Variants in CLPP observed in about 807,000 individuals in gnomAD.
CLPP encodes the protein ATP-dependent Clp protease proteolytic subunit, mitochondrial.
Under a neutral mutation model 27.4 loss-of-function variants are expected in CLPP, and 14 were observed. The observed-to-expected ratio is 0.51, with a 90% confidence interval of 0.34 to 0.80. CLPP has a LOEUF of 0.80. CLPP is among the 30% of genes least tolerant of loss of function. The pLI, the probability that CLPP is intolerant of heterozygous loss-of-function variation, is 0.02. For synonymous variants in CLPP, 193 were observed against 166.6 expected, an observed-to-expected ratio of 1.16 and a Z score of -1.22; for missense variants, 361 against 403.6, an observed-to-expected ratio of 0.89 and a Z score of 0.90.
Position 6,369,059 on chromosome 19 carries a change from T to C in CLPP, c.*349T>C, listed in dbSNP as rs2091875564. The C allele has an allele frequency of 4.5e-6, 1 of 221,618 alleles. No individual in the cohort carries two copies. Among genetic ancestry groups the C allele is most frequent in the Non-Finnish European group, 8.9e-6 (1 of 112,452 alleles). 13.7% of individuals were successfully genotyped at this position (221,618 alleles called of 1,614,324 possible). ...ATATCCTATATTCCAGGCAGTGTTCTTTTGTGAAGAAGACACAAGAAACCC... is the reference window on the plus strand; with the variant it reads ...ATATCCTATATTCCAGGCAGTGTTCCTTTGTGAAGAAGACACAAGAAACCC... On this transcript the variant is annotated 3_prime_UTR_variant, in exon 6 of 6. Coordinates refer to ENST00000245816, the MANE Select transcript of CLPP (RefSeq NM_006012.4).
chr19:6,370,065 G>A lies in CLPP; in HGVS notation c.*1355G>A, dbSNP rs1004949709. On this transcript the variant is annotated 3_prime_UTR_variant, in exon 6 of 6. Coordinates refer to ENST00000245816, the MANE Select transcript of CLPP (RefSeq NM_006012.4). ...ACAGAGAGCAGTTTCCAGAAACTCC[G>A]AGCTGATGGCCCAAAGCAGGAAGAT... Among the ~76,000 whole-genome samples, 3 of 152,140 alleles carry A rather than the reference G, an allele frequency of 2.0e-5. No homozygotes were observed. Among genetic ancestry groups the A allele is most frequent in the African/African-American group, 7.2e-5 (3 of 41,444 alleles).
chr19:6,364,562 G>T lies in CLPP; in HGVS notation c.478G>T (p.Ala160Ser). Residue 160 changes from alanine (A) to serine (S), a missense_variant, in exon 4 of 6, where the codon GCC becomes TCC. Ala to Ser is a moderately conservative substitution (Grantham distance 99, BLOSUM62 1). This residue lies in a region of CLPP where 213 missense variants were observed against 280.9 expected (regional missense o/e 0.76). Coordinates refer to ENST00000245816, the MANE Select transcript of CLPP (RefSeq NM_006012.4). ...QAASMGSLLLAAGTPGMRHSL... is the reference protein window; with the variant it reads ...QAASMGSLLLSAGTPGMRHSL... ...CGCCAGCATGGGCTCCCTGCTTCTCGCCGCCGGCACCCCAGGCATGCGCCA... is the reference window on the plus strand; with the variant it reads ...CGCCAGCATGGGCTCCCTGCTTCTCTCCGCCGGCACCCCAGGCATGCGCCA... 6.2e-7 allele frequency: 1 copy of T among 1,613,012 alleles called. No homozygotes were observed. The highest frequency in any genetic ancestry group is 8.5e-7 in the Non-Finnish European group (1 of 1,179,870).
At position 6,369,201 on chromosome 19, in the gene CLPP, T is replaced by C. The variant is rs183862721; in HGVS notation, c.*491T>C. ...ACTTTGGGAGCCCGAGGCAGGCGGA[T>C]CATGAGGTCAGGAGATCGAGAACAT... On this transcript the variant is annotated 3_prime_UTR_variant, in exon 6 of 6. Transcript: ENST00000245816. 3.5e-4 allele frequency among the ~76,000 whole-genome samples: 53 copies of C among 152,152 alleles called. No individual in the cohort carries two copies. In the East Asian group the frequency reaches 9.9e-3, roughly 28 times the overall value.
chr19:6,364,813 C>T (rs2091854288), intron 4 of CLPP, 174 bp downstream of exon 4: 1 of 615,024 alleles, frequency 1.6e-6, no homozygotes. Context: ...ACTGCAAGCT[C>T]CGCCTCCTGG....
In CLPP at chr19:6,366,355, A is replaced by G. The variant is rs1415438501; in HGVS notation, c.653A>G (p.Gln218Arg). ...IYAKHTKQSL[Q>R]VIESAMERDR... is the part of the protein sequence containing the mutation. The stretch of plus-strand genomic sequence containing the variant: ...GCCAAGCACACCAAACAGAGCCTGC[A>G]GGTGATCGGTAAGCACCCTCCTTTA... The change falls in exon 5 of 6, where the codon CAG becomes CGG. Residue 218 changes from glutamine (Q) to arginine (R), a missense_variant. Around this residue, in one of 2 missense-constraint regions of CLPP, gnomAD observed 213 missense variants for 280.9 expected, o/e 0.76. Transcript: ENST00000245816. The G allele has an allele frequency of 1.9e-6, 3 of 1,609,770 alleles. No homozygotes were observed. Among genetic ancestry groups the G allele is most frequent in the African/African-American group, 1.3e-5 (1 of 75,006 alleles).
chr19:6,361,936 G>T lies in CLPP; in HGVS notation c.266G>T (p.Gly89Val). ...LLRERIVCVM[G>V]PIDDSVASLV... ...CGGGAGCGCATCGTGTGCGTCATGGGCCCGGTGAGCGCCCCGCGCCGGGAC... is the reference window on the plus strand; with the variant it reads ...CGGGAGCGCATCGTGTGCGTCATGGTCCCGGTGAGCGCCCCGCGCCGGGAC... The change falls in exon 2 of 6, where the codon GGC becomes GTC. Residue 89 changes from glycine to valine, a missense_variant. Gly to Val is a moderately radical substitution (Grantham distance 109). Transcript: ENST00000245816. The T allele has an allele frequency of 6.3e-7, 1 of 1,597,830 alleles. No individual in the cohort carries two copies. Among genetic ancestry groups the T allele is most frequent in the Middle Eastern group, 1.7e-4 (1 of 5,990 alleles).
chr19:6,367,133 T>G (rs994461146), intron 5 of CLPP, among the ~76,000 whole-genome samples: 2 of 151,910 alleles, frequency 1.3e-5, no homozygotes, highest in African/African-American at 4.8e-5. Context: ...TACCAGCACT[T>G]TGGGAGGCCG....
intron 5 of CLPP, among the ~76,000 whole-genome samples, chr19:6,367,602 A>G (rs1253501074): frequency 2.0e-5 from 3 of 152,010 alleles, no homozygotes; most frequent in African/African-American, 7.3e-5. Context: ...GGGTGCTGGC[A>G]TTATTCCATC....
At chr19:6,363,956 T>G (rs2091848860) in intron 3 of CLPP, among the ~76,000 whole-genome samples, 1 of 151,072 alleles carries the variant, frequency 6.6e-6, no homozygotes, top group Admixed American at 6.6e-5. Flanking sequence ...CCCAACACTT[T>G]GGGAGGATTG....
intron 3 of CLPP, among the ~76,000 whole-genome samples, 190 bp from the exon 4 acceptor site, chr19:6,364,262 C>CCT (rs1317692693): frequency 6.6e-6 from 1 of 151,924 alleles, no homozygotes; most frequent in Non-Finnish European, 1.5e-5. Context: ...GATTTCCTGA[C>CCT]CTTGTGATCC....
In CLPP at chr19:6,369,309, C is replaced by T. The variant is rs1365970953; in HGVS notation, c.*599C>T. On this transcript the variant is annotated 3_prime_UTR_variant, in exon 6 of 6. Coordinates refer to ENST00000245816, the MANE Select transcript of CLPP (RefSeq NM_006012.4). ...GGTGCACCTGTAATCCCAGCTACTCCGGAGGCTGAGGCAGAAGAATTGCTT... is the reference window on the plus strand; with the variant it reads ...GGTGCACCTGTAATCCCAGCTACTCTGGAGGCTGAGGCAGAAGAATTGCTT... Among the ~76,000 whole-genome samples, 2 of 151,720 alleles carry T rather than the reference C, an allele frequency of 1.3e-5. No individual in the cohort carries two copies. Among genetic ancestry groups the T allele is most frequent in the African/African-American group, 4.8e-5 (2 of 41,376 alleles).
At chr19:6,367,491 CAAG>C (rs2091868562) in intron 5 of CLPP, among the ~76,000 whole-genome samples, 1 of 147,388 alleles carries the variant, frequency 6.8e-6, no homozygotes, top group African/African-American at 2.5e-5. Flanking sequence ...ACTATAAAAA[CAAG>C]GAGAGCTAAT....
In CLPP at chr19:6,368,626, G is replaced by C; in HGVS notation, c.750G>C (p.Gln250His). ...ACAAGGTTCTGGTCCACCCTCCCCA[G>C]GACGGTGAGGATGAGCCCACGCTGG... is the stretch of plus-strand genomic sequence containing the variant. ...ILDKVLVHPP[Q>H]DGEDEPTLVQ... The change falls in exon 6 of 6, where the codon CAG becomes CAC. Residue 250 changes from glutamine to histidine, a missense_variant. Physicochemically the swap from Gln to His is conservative, Grantham distance 24. Coordinates refer to ENST00000245816, the MANE Select transcript of CLPP (RefSeq NM_006012.4). 6.2e-7 allele frequency: 1 copy of C among 1,611,556 alleles called. No homozygotes were observed. Among genetic ancestry groups the C allele is most frequent in the Non-Finnish European group, 8.5e-7 (1 of 1,178,968 alleles).
At chr19:6,364,347 A>T in intron 3 of CLPP, 105 bp from the exon 4 acceptor site, 1 of 1,063,936 alleles carries the variant, frequency 9.4e-7, no homozygotes, top group East Asian at 2.6e-5. Context: ...TTTTTAAAAA[A>T]GGAGGGGGGC....
intron 2 of CLPP, 67 bp downstream of exon 2, chr19:6,362,007 C>T (rs1340139883): frequency 1.5e-5 from 22 of 1,441,702 alleles, no homozygotes; most frequent in Non-Finnish European, 2.0e-5. Context: ...CCCTGCGCCC[C>T]TCCTTCCCTG....
intron 4 of CLPP, 151 bp downstream of exon 4, chr19:6,364,790 G>A (rs1366346234): frequency 7.1e-6 from 5 of 706,838 alleles, no homozygotes; most frequent in Non-Finnish European, 1.1e-5. Context: ...GTGCAGTGGT[G>A]CGATCTCGGC....
chr19:6,367,506 T>C (rs542270875), intron 5 of CLPP, among the ~76,000 whole-genome samples: 1 of 152,192 alleles, frequency 6.6e-6, no homozygotes, highest in Admixed American at 6.5e-5. Flanking sequence ...AGAGCTAATT[T>C]ATGCTGTTAG....
chr19:6,366,437 C>A, intron 5 of CLPP, 74 bp downstream of exon 5: 1 of 1,147,802 alleles, frequency 8.7e-7, no homozygotes. Context: ...AGGGCTTCTC[C>A]ACCTGGCCCC....
At chr19:6,364,833 A>G (rs554250771) in intron 4 of CLPP, 194 bp downstream of exon 4, 1 of 551,664 alleles carries the variant, frequency 1.8e-6, no homozygotes, top group African/African-American at 2.0e-5. Flanking sequence ...GGTTCACGCC[A>G]TTCTTCTGCC....
Sources: allele counts gnomAD v4.1 joint callset (sites outside exome capture counted in the v4.1 genomes callset), GRCh38; gene constraint gnomAD v4.1.1; regional missense constraint gnomAD v4.1.1; transcripts MANE v1.5; gene names NCBI Gene and HGNC (gene_info 2026-07-23, HGNC 2026-07-21).